The following INTS15 variants were observed in gnomAD, a reference collection of about 807,000 sequenced individuals.
INTS15 encodes the protein integrator complex subunit 15.
the INTS15 span, among the ~76,000 whole-genome samples, chr7:6,596,422 A>G: frequency 1.6e-5 from 2 of 124,972 alleles, no homozygotes; most frequent in African/African-American, 6.2e-5. Context: ...TCTGCTGTCC[A>G]GGCTGGAGTG....
chr7:6,590,030 C>G, the INTS15 span: 9 of 210,444 alleles, frequency 4.3e-5, no homozygotes, highest in Non-Finnish European at 3.7e-5. Flanking sequence ...CATTCGGCCG[C>G]TGTTCGGCTG....
the INTS15 span, chr7:6,607,644 T>G: frequency 6.8e-7 from 1 of 1,481,452 alleles, no homozygotes. This position sits in a 1 kb window ranked among gnomAD's most constrained non-coding sequence, Gnocchi z 6.0. Context: ...GGCCAGCTGT[T>G]CTGTGTGTCC....
chr7:6,590,274 C>T, the INTS15 span: 5 of 1,514,618 alleles, frequency 3.3e-6, no homozygotes, highest in Non-Finnish European at 3.5e-6. Flanking sequence ...GGGGCCGCGG[C>T]GGCCGCACCA....
the INTS15 span, chr7:6,590,431 G>A: frequency 1.2e-6 from 2 of 1,602,212 alleles, no homozygotes; most frequent in Non-Finnish European, 1.7e-6. Context: ...GCTGCTGGAG[G>A]AGTTCGTGTT....
At chr7:6,592,335 G>A in the INTS15 span, among the ~76,000 whole-genome samples, 144 of 152,160 alleles carry the variant, frequency 9.5e-4, 1 homozygote, top group African/African-American at 3.2e-3. Flanking sequence ...GGAGGCCGAA[G>A]GGGGGCAGAT....
the INTS15 span, chr7:6,590,623 A>G: frequency 2.9e-6 from 4 of 1,380,162 alleles, no homozygotes; most frequent in South Asian, 3.3e-5. Flanking sequence ...GCAGCCCCCA[A>G]ACCCTTCTCC....
the INTS15 span, among the ~76,000 whole-genome samples, chr7:6,603,092 A>G: frequency 6.6e-6 from 1 of 151,492 alleles, no homozygotes; most frequent in African/African-American, 2.4e-5. Context: ...TCTACTTAAA[A>G]TACAAAAATT....
the INTS15 span, among the ~76,000 whole-genome samples, chr7:6,604,104 C>T: frequency 1.3e-5 from 2 of 152,114 alleles, no homozygotes; most frequent in African/African-American, 4.8e-5. Flanking sequence ...TTGAGACAGT[C>T]TTGCTTTGTT....
At chr7:6,592,336 G>A in the INTS15 span, among the ~76,000 whole-genome samples, 20 of 151,972 alleles carry the variant, frequency 1.3e-4, no homozygotes, top group Non-Finnish European at 2.1e-4. Context: ...GAGGCCGAAG[G>A]GGGGCAGATC....
the INTS15 span, chr7:6,600,320 G>A: frequency 1.9e-6 from 3 of 1,613,800 alleles, no homozygotes; most frequent in African/African-American, 1.3e-5. Context: ...GGCTCTGCAG[G>A]TGGCCATGGC....
the INTS15 span, chr7:6,590,497 T>C: frequency 6.5e-7 from 1 of 1,539,370 alleles, no homozygotes; most frequent in Non-Finnish European, 8.7e-7. Flanking sequence ...GACGGTCGGG[T>C]TCCCGGGCCC....
chr7:6,601,996 G>A, the INTS15 span: 6 of 985,910 alleles, frequency 6.1e-6, no homozygotes, highest in East Asian at 1.5e-4. Context: ...AATGTAGTAT[G>A]AGGCGCTCTT....
At chr7:6,608,044 G>A in the INTS15 span, 1 of 1,598,100 alleles carries the variant, frequency 6.3e-7, no homozygotes, top group Non-Finnish European at 8.5e-7. Context: ...ACATCCACAC[G>A]CCCCCGCTGG....
chr7:6,594,877 C>G, the INTS15 span, among the ~76,000 whole-genome samples: 1 of 152,002 alleles, frequency 6.6e-6, no homozygotes, highest in Admixed American at 6.6e-5. Context: ...GCATGCGCCA[C>G]TACTCCTGGC....
At chr7:6,608,004 ACGC>A in the INTS15 span, 2 of 1,599,824 alleles carry the variant, frequency 1.3e-6, no homozygotes, top group Non-Finnish European at 1.7e-6. Context: ...CAGTCGCCTC[ACGC>A]CGCGCTCCCC....
the INTS15 span, chr7:6,608,048 C>T: frequency 6.3e-7 from 1 of 1,599,634 alleles, no homozygotes; most frequent in South Asian, 1.1e-5. Context: ...CCACACGCCC[C>T]CGCTGGGCTA....
the INTS15 span, chr7:6,602,546 G>A: frequency 2.5e-6 from 1 of 407,762 alleles, no homozygotes; most frequent in South Asian, 1.8e-5. Context: ...ACGGACCTGG[G>A]TTCTGGGCGC....
chr7:6,598,735 TTGTGTGTGTGTGTGTGTGTGTGTGTG>T, the INTS15 span, among the ~76,000 whole-genome samples: 2 of 83,618 alleles, frequency 2.4e-5, no homozygotes, highest in Non-Finnish European at 4.3e-5. Flanking sequence ...GCTGTATGCT[TTGTGTGTGTGTGTGTGTGTGTGTGTG>T]TGTGTGTGTG....
chr7:6,593,535 T>C, the INTS15 span, among the ~76,000 whole-genome samples: 11,039 of 151,774 alleles, frequency 0.073, 709 homozygotes, highest in African/African-American at 0.17. Flanking sequence ...GGGGTTTCAC[T>C]GTGTTAGCCA....
Sources: gnomAD v4.1 joint callset for allele counts (sites outside exome capture counted in the v4.1 genomes callset) on GRCh38, gnomAD v4.1.1 for gene constraint, Gnocchi (gnomAD v3.1) non-coding constraint, MANE v1.5 for transcripts, NCBI Gene and HGNC (gene_info 2026-07-23, HGNC 2026-07-21) for gene names.